Variants in ATL2 observed in about 807,000 individuals in gnomAD.
The protein encoded by ATL2 is atlastin GTPase 2, also known as atlastin-2.
In ATL2, 31 loss-of-function variants were observed where a neutral mutation model predicts 73.9. The observed-to-expected ratio is 0.42, with a 90% CI of 0.32 to 0.57. ATL2 has a LOEUF of 0.57. Ranked by LOEUF, ATL2 falls within the 20% of genes least tolerant of loss-of-function variation. ATL2 has a pLI of 0.14. For synonymous variants in ATL2, 291 were observed against 237.5 expected (o/e 1.23, Z -2.07); for missense variants, 738 against 702.6 (o/e 1.05, Z -0.57).
At chr2:38,373,944 T>C (rs1200033876) in intron 1 of ATL2, among the ~76,000 whole-genome samples, 1 of 152,132 alleles carries the variant, frequency 6.6e-6, no homozygotes, top group Non-Finnish European at 1.5e-5. Flanking sequence ...CAGGCTGGAG[T>C]GCAATGGCAT....
At chr2:38,354,529 G>A (rs1458144638) in intron 1 of ATL2, among the ~76,000 whole-genome samples, 1 of 152,118 alleles carries the variant, frequency 6.6e-6, no homozygotes, top group Admixed American at 6.5e-5. Flanking sequence ...ATATATTAAA[G>A]ATGAATATCA....
chr2:38,378,435 CA>C (rs1243568623), upstream of ATL2, among the ~76,000 whole-genome samples: 2 of 152,196 alleles, frequency 1.3e-5, no homozygotes, highest in Non-Finnish European at 2.9e-5. Context: ...CACGGGATTT[CA>C]CCATCTTGGC....
At chr2:38,321,600 T>C (rs531185001) in intron 2 of ATL2, among the ~76,000 whole-genome samples, 343 of 152,374 alleles carry the variant, frequency 2.3e-3, no homozygotes, top group African/African-American at 8.0e-3. Flanking sequence ...AGTCACTGAA[T>C]GTTCACAAGA....
chr2:38,299,191 ATTTT>A (rs954196375), intron 11 of ATL2, 61 bp downstream of exon 11: 129 of 995,588 alleles, frequency 1.3e-4, no homozygotes, highest in Non-Finnish European at 1.6e-4. Context: ...AATTTTTTTA[ATTTT>A]TTTTTTTTTA....
intron 1 of ATL2, among the ~76,000 whole-genome samples, chr2:38,347,767 CTTTTT>C (rs1177228968): frequency 7.5e-6 from 1 of 133,900 alleles, no homozygotes; most frequent in Admixed American, 7.5e-5. Context: ...CTGCCCTTAC[CTTTTT>C]TTTTTTTTTT....
At chr2:38,303,162 C>T (rs1319109212) in intron 9 of ATL2, among the ~76,000 whole-genome samples, 2 of 152,114 alleles carry the variant, frequency 1.3e-5, no homozygotes, top group African/African-American at 4.8e-5. Flanking sequence ...AATCCTGGAT[C>T]CGAAAAATGC....
chr2:38,365,113 A>G (rs1482998333), intron 1 of ATL2, among the ~76,000 whole-genome samples: 1 of 151,548 alleles, frequency 6.6e-6, no homozygotes, highest in Admixed American at 6.6e-5. Flanking sequence ...AATTTGGGAT[A>G]GCCAGTTAGC....
At chr2:38,345,071 T>C (rs1186325864) in intron 1 of ATL2, among the ~76,000 whole-genome samples, 2 of 152,194 alleles carry the variant, frequency 1.3e-5, no homozygotes, top group Non-Finnish European at 2.9e-5. Context: ...ATACCTTGTC[T>C]GACTTTCTTC....
rs770104477 is a variant in ATL2, at chr2:38,299,356, C to CA, written c.1129-30dup. 3 of 1,514,320 alleles carry CA rather than the reference C, an allele frequency of 2.0e-6. No homozygotes were observed. In the African/African-American group the frequency reaches 4.4e-5, roughly 22 times the overall value. 93.8% of individuals were successfully genotyped at this position (1,514,320 alleles called of 1,614,324 possible). ...AAAAATAAAATATGCCATTATTATG[C>CA]AAAAAATACTCTATGACTCTAAAAA... On this transcript the variant is annotated intron_variant, in intron 10 of 12. Transcript: ENST00000378954.
chr2:38,358,593 G>C (rs1440536872), intron 1 of ATL2: 1 of 291,288 alleles, frequency 3.4e-6, no homozygotes, highest in South Asian at 2.4e-5. Context: ...TCAGGAGGCT[G>C]AGGCCGGAGA....
At position 38,334,890 on chromosome 2, in the gene ATL2, T is replaced by TTTATA. The variant is rs1417734511; in HGVS notation, c.363+8377_363+8378insTATAA. On this transcript the variant is annotated intron_variant, in intron 2 of 12. Transcript: ENST00000378954. Reference sequence around the variant, plus strand: ...TATATAATATATATTATATAATATATAATATATATTATTTATAATATATAA... The same window carrying TTTATA: ...TATATAATATATATTATATAATATATTTATAAATATATATTATTTATAATATATAA... Among the ~76,000 whole-genome samples the TTTATA allele has an allele frequency of 9.4e-3, 269 of 28,486 alleles. 3 individuals carry two copies. The highest frequency in any genetic ancestry group is 0.029 in the Middle Eastern group (1 of 34). The allele number at this position is 28,486 out of a possible 152,430, so 18.7% of individuals were successfully genotyped here.
At chr2:38,309,000 T>C (rs574506961) in intron 9 of ATL2, among the ~76,000 whole-genome samples, 2 of 152,146 alleles carry the variant, frequency 1.3e-5, no homozygotes, top group Non-Finnish European at 2.9e-5. Flanking sequence ...CAGCTGTTCT[T>C]ATCAAGTCCT....
chr2:38,361,178 CCCA>C (rs1055207259), intron 1 of ATL2, among the ~76,000 whole-genome samples: 2 of 151,238 alleles, frequency 1.3e-5, no homozygotes, highest in African/African-American at 4.9e-5. Context: ...GTGGTGAAAC[CCCA>C]TCTCTACTAA....
chr2:38,323,795 C>T (rs573314027), intron 2 of ATL2, among the ~76,000 whole-genome samples: 39 of 152,204 alleles, frequency 2.6e-4, no homozygotes, highest in African/African-American at 9.1e-4. Context: ...TCACTGTCCT[C>T]GACATCCTGG....
chr2:38,300,570 A>G (rs1228422402), intron 9 of ATL2: 1 of 358,184 alleles, frequency 2.8e-6, no homozygotes, highest in African/African-American at 2.1e-5. Flanking sequence ...ACTCAAAGTT[A>G]GATATAAAAT....
At chr2:38,354,403 G>A (rs1573558915) in intron 1 of ATL2, among the ~76,000 whole-genome samples, 1 of 152,084 alleles carries the variant, frequency 6.6e-6, no homozygotes, top group African/African-American at 2.4e-5. Flanking sequence ...GGTTTATAAA[G>A]TATGTAGAAG....
chr2:38,330,082 T>C (rs1184874797), intron 2 of ATL2, among the ~76,000 whole-genome samples: 1 of 151,986 alleles, frequency 6.6e-6, no homozygotes, highest in Non-Finnish European at 1.5e-5. Flanking sequence ...TGAGCCGAGA[T>C]TGTGCCACTG....
intron 2 of ATL2, among the ~76,000 whole-genome samples, chr2:38,339,467 T>C (rs530275851): frequency 4.5e-4 from 69 of 152,140 alleles, no homozygotes; most frequent in African/African-American, 1.6e-3. Context: ...TAGAAGAAAC[T>C]AGGTAAAGGA....
chr2:38,377,044 G>A (rs1455563682), intron 1 of ATL2, 99 bp downstream of exon 1: 29 of 1,125,236 alleles, frequency 2.6e-5, no homozygotes, highest in Non-Finnish European at 3.6e-5. Flanking sequence ...AACCAGCCGC[G>A]GACTCCGACC....
Sources: gnomAD v4.1 joint callset for allele counts (sites outside exome capture counted in the v4.1 genomes callset) on GRCh38, gnomAD v4.1.1 for gene constraint, MANE v1.5 for transcripts, NCBI Gene and HGNC (gene_info 2026-07-23, HGNC 2026-07-21) for gene names.